Variants in JAKMIP1 observed in about 807,000 individuals in gnomAD.
The protein encoded by JAKMIP1 is janus kinase and microtubule-interacting protein 1.
JAKMIP1 carries 33 observed loss-of-function variants against 113.0 expected under a neutral mutation model. The ratio of observed to expected loss-of-function variants is 0.29; its 90% CI spans 0.22 to 0.39. The LOEUF is 0.39. Ranked by LOEUF, JAKMIP1 falls within the 10% of genes least tolerant of loss-of-function variation. The pLI is 1.00. For missense variants in JAKMIP1, 813 were observed against 1,080.5 expected (o/e 0.75, Z 3.47); for synonymous variants, 480 against 459.9 (o/e 1.04, Z -0.56).
chr4:6,098,670 GAGAAAGAAAGAA>G lies in JAKMIP1; in HGVS notation c.624+6791_624+6802del, dbSNP rs757166386. ...AAAGGAAAGGAAAGGAAGAAAGAGAGAGAAAGAAAGAAAGAAAGAAAGAAAGAAAGAAAGAAA... is the reference window on the plus strand; with the variant it reads ...AAAGGAAAGGAAAGGAAGAAAGAGAGAGAAAGAAAGAAAGAAAGAAAGAAA... On this transcript the variant is annotated intron_variant, in intron 3 of 20. Coordinates refer to ENST00000409021, the MANE Select transcript of JAKMIP1 (RefSeq NM_001099433.2). Among the ~76,000 whole-genome samples, 210 of 100,444 alleles carry G rather than the reference GAGAAAGAAAGAA, an allele frequency of 2.1e-3. 1 individual carries two copies. The highest frequency in any genetic ancestry group is 0.01 in the African/African-American group (204 of 19,988). 65.9% of individuals were successfully genotyped at this position (100,444 alleles called of 152,430 possible).
chr4:6,116,844 G>A lies in JAKMIP1; in HGVS notation c.-147-3847C>T, dbSNP rs951898852. 6.6e-6 allele frequency among the ~76,000 whole-genome samples: 1 copy of A among 152,160 alleles called. No homozygotes were observed. Among genetic ancestry groups the A allele is most frequent in the Non-Finnish European group, 1.5e-5 (1 of 68,030 alleles). On this transcript the variant is annotated intron_variant, in intron 1 of 20. Coordinates refer to ENST00000409021, the MANE Select transcript of JAKMIP1 (RefSeq NM_001099433.2). This position sits in a 1 kb window ranked among gnomAD's most constrained non-coding sequence, Gnocchi z 5.1. The stretch of plus-strand genomic sequence containing the variant: ...GGTGCTGGAAAGAACAAGTCTACAG[G>A]GCACTGTGATACACAGCTATCAAAT...
chr4:6,170,094 CG>C (rs113623418), intron 1 of JAKMIP1, among the ~76,000 whole-genome samples: 142,552 of 142,950 alleles, frequency 1, 71,077 homozygotes, highest in Admixed American at 1. Context: ...ACCACCGCCA[CG>C]ATCCCCATCA....
chr4:6,049,682 A>T lies in JAKMIP1; in HGVS notation c.1962+137T>A. Reference sequence around the variant, plus strand: ...CCACCACCCACACAGGAACACGGCCATACAAAAGCCTTACATTGTACTTCT... The same window carrying T: ...CCACCACCCACACAGGAACACGGCCTTACAAAAGCCTTACATTGTACTTCT... On this transcript the variant is annotated intron_variant, in intron 15 of 20. Coordinates refer to ENST00000409021, the MANE Select transcript of JAKMIP1 (RefSeq NM_001099433.2). This position sits in a 1 kb window ranked among gnomAD's most constrained non-coding sequence, Gnocchi z 7.0. 1.5e-6 allele frequency: 1 copy of T among 688,164 alleles called. No individual in the cohort carries two copies. The highest frequency in any genetic ancestry group is 2.5e-6 in the Non-Finnish European group (1 of 399,532). 42.6% of individuals were successfully genotyped at this position (688,164 alleles called of 1,614,324 possible). A position where few individuals can be genotyped will look rare whatever the true frequency, so the allele number is the denominator to read the frequency against.
At position 6,065,349 on chromosome 4, in the gene JAKMIP1, A is replaced by AG. The variant is rs1717913684; in HGVS notation, c.1303-342dup. Among the ~76,000 whole-genome samples the AG allele has an allele frequency of 6.6e-6, 1 of 152,218 alleles. No homozygotes were observed. Among genetic ancestry groups the AG allele is most frequent in the South Asian group, 2.1e-4 (1 of 4,828 alleles). On this transcript the variant is annotated intron_variant, in intron 8 of 20. Transcript: ENST00000409021. This position sits in a 1 kb window ranked among gnomAD's most constrained non-coding sequence, Gnocchi z 5.1. ...AAGCCACCTCACCTGTGAGCACAAAAGGGGGCCATGCATGCCCTGTGCCCA... is the reference window on the plus strand; with the variant it reads ...AAGCCACCTCACCTGTGAGCACAAAAGGGGGGCCATGCATGCCCTGTGCCCA...
At chr4:6,126,266 A>AAC (rs1367281583) in intron 1 of JAKMIP1, among the ~76,000 whole-genome samples, 4 of 122,326 alleles carry the variant, frequency 3.3e-5, no homozygotes, top group African/African-American at 1.3e-4. Flanking sequence ...CACACACACA[A>AAC]ACACACACAC....
At position 6,103,005 on chromosome 4, in the gene JAKMIP1, A is replaced by ATTTAT. The variant is rs1553835652; in HGVS notation, c.624+2463_624+2467dup. On this transcript the variant is annotated intron_variant, in intron 3 of 20. Transcript: ENST00000409021. ...GCCTCGGCCTCCCAATGAAACTTTT[A>ATTTAT]TTTATTTTATTTTATTTTATATTTG... Among the ~76,000 whole-genome samples the ATTTAT allele has an allele frequency of 1.4e-3, 215 of 151,904 alleles. 1 individual carries two copies. The highest frequency in any genetic ancestry group is 4.7e-3 in the African/African-American group (196 of 41,428).
chr4:6,162,050 G>A lies in JAKMIP1; in HGVS notation c.-148+38203C>T, dbSNP rs577973851. 6.6e-6 allele frequency among the ~76,000 whole-genome samples: 1 copy of A among 150,800 alleles called. No homozygotes were observed. The highest frequency in any genetic ancestry group is 1.9e-4 in the East Asian group (1 of 5,172). On this transcript the variant is annotated intron_variant, in intron 1 of 20. Transcript: ENST00000409021. This position sits in a 1 kb window ranked among gnomAD's most constrained non-coding sequence, Gnocchi z 5.6. ...TGATGGAGCCGAGCAGGAAGGAAAG[G>A]GGTGGATTGCACAGGCCAGCCATGA...
rs186826783 is a variant in JAKMIP1 at position 6,138,977 on chromosome 4, G to A, written c.-147-25980C>T. 3.3e-5 allele frequency among the ~76,000 whole-genome samples: 5 copies of A among 152,118 alleles called. No individual in the cohort carries two copies. Among genetic ancestry groups the A allele is most frequent in the East Asian group, 3.9e-4 (2 of 5,162 alleles). On this transcript the variant is annotated intron_variant, in intron 1 of 20. Coordinates refer to ENST00000409021, the MANE Select transcript of JAKMIP1 (RefSeq NM_001099433.2). The surrounding 1 kb of genome is among the most constrained non-coding windows in gnomAD (Gnocchi z 6.0). ...ACGAGCCTTCATCTGGCTGGAATATGTCTCCCCACCCCACCCTGTCTGTTC... is the reference window on the plus strand; with the variant it reads ...ACGAGCCTTCATCTGGCTGGAATATATCTCCCCACCCCACCCTGTCTGTTC...
rs1327083668 is a variant in JAKMIP1, at chr4:6,063,743, G to A, written c.1431+1137C>T. Reference sequence around the variant, plus strand: ...AGACCCATGGGAGGAAACCAGCCTAGAAGTCATTCCAGATGGGACTCCACA... The same window carrying A: ...AGACCCATGGGAGGAAACCAGCCTAAAAGTCATTCCAGATGGGACTCCACA... On this transcript the variant is annotated intron_variant, in intron 9 of 20. Transcript: ENST00000409021. 3.3e-5 allele frequency among the ~76,000 whole-genome samples: 5 copies of A among 152,238 alleles called. No homozygotes were observed. The East Asian group carries it at 9.6e-4, about 29-fold the overall frequency.
chr4:6,196,245 G>C (rs959828400), intron 1 of JAKMIP1, among the ~76,000 whole-genome samples: 1 of 152,128 alleles, frequency 6.6e-6, no homozygotes. Flanking sequence ...GCATCTAATA[G>C]TGACTGTGGC....
rs757477432 is a variant in JAKMIP1, at chr4:6,197,188, G to A, written c.-148+3065C>T. Among the ~76,000 whole-genome samples, 7 of 152,192 alleles carry A rather than the reference G, an allele frequency of 4.6e-5. No homozygotes were observed. The highest frequency in any genetic ancestry group is 2.1e-4 in the South Asian group (1 of 4,826). Reference sequence around the variant, plus strand: ...AAAGAAGTGAGTACAGGGGCTAAGCGACTTGCCCAACGTCACACTGTCAGT... The same window carrying A: ...AAAGAAGTGAGTACAGGGGCTAAGCAACTTGCCCAACGTCACACTGTCAGT... On this transcript the variant is annotated intron_variant, in intron 1 of 20. Coordinates refer to ENST00000409021, the MANE Select transcript of JAKMIP1 (RefSeq NM_001099433.2). This position sits in a 1 kb window ranked among gnomAD's most constrained non-coding sequence, Gnocchi z 6.5.
rs1418734654 is a variant in JAKMIP1, at chr4:6,193,698, AG to A, written c.-148+6554del. 6.6e-6 allele frequency among the ~76,000 whole-genome samples: 1 copy of A among 152,208 alleles called. No homozygotes were observed. Among genetic ancestry groups the A allele is most frequent in the Non-Finnish European group, 1.5e-5 (1 of 68,046 alleles). On this transcript the variant is annotated intron_variant, in intron 1 of 20. Transcript: ENST00000409021. The surrounding 1 kb of genome is among the most constrained non-coding windows in gnomAD (Gnocchi z 6.4). ...AATGAGGAGCCGACAACCATTCTGC[AG>A]GTTTCAAGGACAAGTCAAGGCTGGG... is the stretch of plus-strand genomic sequence containing the variant.
At position 6,173,693 on chromosome 4, in the gene JAKMIP1, T is replaced by G. The variant is rs560845928; in HGVS notation, c.-148+26560A>C. 2.8e-4 allele frequency among the ~76,000 whole-genome samples: 43 copies of G among 152,354 alleles called. No individual in the cohort carries two copies. The South Asian group carries it at 8.7e-3, about 31-fold the overall frequency. On this transcript the variant is annotated intron_variant, in intron 1 of 20. Coordinates refer to ENST00000409021, the MANE Select transcript of JAKMIP1 (RefSeq NM_001099433.2). ...GGATAGATGTGTGTATTTCTATCCT[T>G]GTGGGCCATTTGACAGTAAGCTGCA...
Position 6,080,422 on chromosome 4 carries a change from G to T in JAKMIP1, c.1102-110C>A. The T allele has an allele frequency of 7.9e-7, 1 of 1,259,332 alleles. No individual in the cohort carries two copies. Among genetic ancestry groups the T allele is most frequent in the Non-Finnish European group, 1.1e-6 (1 of 908,254 alleles). 78.0% of individuals were successfully genotyped at this position (1,259,332 alleles called of 1,614,324 possible). Reference sequence around the variant, plus strand: ...GCAGGGACAGAAGGATGGATGGGAGGATGAAAGAGATGATGGCCTGATATG... The same window carrying T: ...GCAGGGACAGAAGGATGGATGGGAGTATGAAAGAGATGATGGCCTGATATG... On this transcript the variant is annotated intron_variant, in intron 6 of 20. Coordinates refer to ENST00000409021, the MANE Select transcript of JAKMIP1 (RefSeq NM_001099433.2). This position sits in a 1 kb window ranked among gnomAD's most constrained non-coding sequence, Gnocchi z 6.0.
At chr4:6,195,650 C>A (rs1251972572) in intron 1 of JAKMIP1, among the ~76,000 whole-genome samples, 1 of 152,198 alleles carries the variant, frequency 6.6e-6, no homozygotes, top group East Asian at 1.9e-4. Context: ...AACATACTCG[C>A]TTTATAATCC....
At chr4:6,036,179 C>T in intron 18 of JAKMIP1, 72 bp from the exon 19 acceptor site, 1 of 1,220,978 alleles carries the variant, frequency 8.2e-7, no homozygotes, top group Non-Finnish European at 1.1e-6. Flanking sequence ...AAGGCTGCTG[C>T]CAGTGGAGGC....
At chr4:6,047,604 A>C (rs1239561805) in intron 16 of JAKMIP1, among the ~76,000 whole-genome samples, 1 of 152,190 alleles carries the variant, frequency 6.6e-6, no homozygotes, top group Admixed American at 6.5e-5. Flanking sequence ...TACCAGTGTG[A>C]CCTTGGGCAA....
chr4:6,136,215 C>T lies in JAKMIP1; in HGVS notation c.-147-23218G>A, dbSNP rs571377336. ...GAGCCGAGATCACACCACTGCACTCCAGCCTGGCCAACAGAGTGAGACTCA... is the reference window on the plus strand; with the variant it reads ...GAGCCGAGATCACACCACTGCACTCTAGCCTGGCCAACAGAGTGAGACTCA... On this transcript the variant is annotated intron_variant, in intron 1 of 20. Transcript: ENST00000409021. The surrounding 1 kb of genome is among the most constrained non-coding windows in gnomAD (Gnocchi z 5.9). Among the ~76,000 whole-genome samples the T allele has an allele frequency of 6.6e-6, 1 of 152,282 alleles. No individual in the cohort carries two copies. The highest frequency in any genetic ancestry group is 2.1e-4 in the South Asian group (1 of 4,822).
Position 6,069,415 on chromosome 4 carries a change from T to C in JAKMIP1, c.1303-4407A>G, listed in dbSNP as rs1202285820. Reference sequence around the variant, plus strand: ...TGTTCCTTGCAACCAAAGCCTCTCCTTGTTGACTCGTTTCTACAGATGAAT... The same window carrying C: ...TGTTCCTTGCAACCAAAGCCTCTCCCTGTTGACTCGTTTCTACAGATGAAT... On this transcript the variant is annotated intron_variant, in intron 8 of 20. Coordinates refer to ENST00000409021, the MANE Select transcript of JAKMIP1 (RefSeq NM_001099433.2). This position sits in a 1 kb window ranked among gnomAD's most constrained non-coding sequence, Gnocchi z 4.5. Among the ~76,000 whole-genome samples, 1 of 152,192 alleles carries C rather than the reference T, an allele frequency of 6.6e-6. No individual in the cohort carries two copies. The highest frequency in any genetic ancestry group is 2.4e-5 in the African/African-American group (1 of 41,446).
Sources: allele counts gnomAD v4.1 joint callset (sites outside exome capture counted in the v4.1 genomes callset), GRCh38; gene constraint gnomAD v4.1.1; non-coding constraint Gnocchi (gnomAD v3.1); transcripts MANE v1.5; gene names NCBI Gene and HGNC (gene_info 2026-07-23, HGNC 2026-07-21).